The following CAPRIN1 variants were observed in gnomAD, a reference collection of about 807,000 sequenced individuals.
CAPRIN1 encodes the protein caprin-1.
Under a neutral mutation model 100.9 loss-of-function variants are expected in CAPRIN1, and 29 were observed. The ratio of observed to expected loss-of-function variants is 0.29; its 90% confidence interval spans 0.21 to 0.39. The LOEUF (loss-of-function observed/expected upper bound fraction) is 0.39. Among genes scored for constraint, CAPRIN1 ranks in the 10% least tolerant of loss-of-function variants. The pLI is 1.00. For missense variants in CAPRIN1, 795 were observed against 876.7 expected (o/e 0.91, Z 1.18); for synonymous variants, 338 against 307.5 (o/e 1.10, Z -1.04).
At chr11:34,092,358 CT>C (rs1216471251) in intron 15 of CAPRIN1, among the ~76,000 whole-genome samples, 2,462 of 139,310 alleles carry the variant, frequency 0.018, 51 homozygotes, top group African/African-American at 0.055. Context: ...ATAAAGTGTA[CT>C]TTTTTTTTTT....
chr11:34,088,807 A>AC lies in CAPRIN1; in HGVS notation c.1232-587dup, dbSNP rs1232366903. Among the ~76,000 whole-genome samples the AC allele has an allele frequency of 3.9e-5, 6 of 152,300 alleles. No individual in the cohort carries two copies. The East Asian group carries it at 1.2e-3, about 29-fold the overall frequency. On this transcript the variant is annotated intron_variant, in intron 11 of 18. Coordinates refer to ENST00000341394, the MANE Select transcript of CAPRIN1 (RefSeq NM_005898.5). The stretch of plus-strand genomic sequence containing the variant: ...TGTTAGTGCATTCTATTAACATTTT[A>AC]CTTTACTTTTGGAAAAAACAAGATG...
At chr11:34,060,282 G>C (rs1404085036) in intron 2 of CAPRIN1, among the ~76,000 whole-genome samples, 1 of 148,920 alleles carries the variant, frequency 6.7e-6, no homozygotes, top group South Asian at 2.1e-4. Flanking sequence ...CTTATTATTA[G>C]AACCATTGTA....
chr11:34,053,285 A>T, intron 2 of CAPRIN1: 1 of 352,770 alleles, frequency 2.8e-6, no homozygotes, highest in Non-Finnish European at 4.0e-6. Context: ...CTTTGTTTCA[A>T]TTGTTTAGGT....
rs1222279903 is a variant in CAPRIN1, at chr11:34,099,552, CTA to C, written c.*187_*188del. ...TCTATTACCTGGATATGGAAGGAAA[CTA>C]TTTTTACTCTGCATGTTCTGTCCTA... On this transcript the variant is annotated 3_prime_UTR_variant, in exon 19 of 19. Coordinates refer to ENST00000341394, the MANE Select transcript of CAPRIN1 (RefSeq NM_005898.5). 4.9e-6 allele frequency: 3 copies of C among 608,782 alleles called. No homozygotes were observed. In the African/African-American group the frequency reaches 5.5e-5, roughly 11 times the overall value. The allele number at this position is 608,782 out of a possible 1,614,324, so 37.7% of individuals were successfully genotyped here.
chr11:34,091,332 G>A (rs561521536), intron 14 of CAPRIN1, among the ~76,000 whole-genome samples: 1 of 152,202 alleles, frequency 6.6e-6, no homozygotes, highest in Admixed American at 6.5e-5. Context: ...CGTCGCCCAG[G>A]CTGGAGTGTA....
At chr11:34,076,701 C>A in intron 6 of CAPRIN1, 59 bp downstream of exon 6, 2 of 1,124,510 alleles carry the variant, frequency 1.8e-6, no homozygotes, top group Non-Finnish European at 2.6e-6. Flanking sequence ...AACTAATTTT[C>A]TTATGTTTAT....
chr11:34,088,008 GTTTA>G (rs1309251269), intron 11 of CAPRIN1, among the ~76,000 whole-genome samples: 2 of 152,048 alleles, frequency 1.3e-5, no homozygotes, highest in Admixed American at 6.5e-5. Flanking sequence ...TTATTTATTT[GTTTA>G]TTTAGAGACG....
intron 18 of CAPRIN1, chr11:34,098,701 A>AT: frequency 1.0e-6 from 1 of 985,352 alleles, no homozygotes; most frequent in Non-Finnish European, 1.2e-6. Flanking sequence ...AATGTGGGTT[A>AT]TGTTCTTTCC....
rs1455393932 is a variant in CAPRIN1, at chr11:34,100,564, A to G, written c.*1197A>G. The stretch of plus-strand genomic sequence containing the variant: ...CAGCTTATGTGATTCACCCCATGCC[A>G]CGTTAGTGTCACAAATTTTATGGTT... On this transcript the variant is annotated 3_prime_UTR_variant, in exon 19 of 19. Coordinates refer to ENST00000341394, the MANE Select transcript of CAPRIN1 (RefSeq NM_005898.5). 6.6e-6 allele frequency: 1 copy of G among 152,206 alleles called. No homozygotes were observed. The highest frequency in any genetic ancestry group is 1.5e-5 in the Non-Finnish European group (1 of 68,020). The allele number at this position is 152,206 out of a possible 1,614,324, so 9.4% of individuals were successfully genotyped here.
Position 34,084,955 on chromosome 11 carries a change from G to C in CAPRIN1, c.967-1109G>C, listed in dbSNP as rs1025514977. Among the ~76,000 whole-genome samples the C allele has an allele frequency of 5.5e-4, 83 of 151,738 alleles. 1 individual carries two copies. The highest frequency in any genetic ancestry group is 1.8e-3 in the African/African-American group (75 of 41,286). On this transcript the variant is annotated intron_variant, in intron 9 of 18. Transcript: ENST00000341394. ...TGTGGTTTGTTCTTTGTATCTAGTA[G>C]GTGGGCCTTTCTAAAGGCTATCCAC... is the stretch of plus-strand genomic sequence containing the variant.
At chr11:34,071,207 G>A (rs1447137654) in intron 2 of CAPRIN1, among the ~76,000 whole-genome samples, 4 of 152,190 alleles carry the variant, frequency 2.6e-5, no homozygotes, top group Non-Finnish European at 5.9e-5. Context: ...ATAATGTTGT[G>A]CCATTGGTTT....
chr11:34,085,776 C>G (rs1046349559), intron 9 of CAPRIN1, among the ~76,000 whole-genome samples: 14 of 151,964 alleles, frequency 9.2e-5, no homozygotes, highest in Admixed American at 3.9e-4. Flanking sequence ...TGCTGTCCAG[C>G]CTGGGTTACA....
chr11:34,087,784 A>C (rs556542480), intron 11 of CAPRIN1, among the ~76,000 whole-genome samples: 2 of 152,244 alleles, frequency 1.3e-5, no homozygotes, highest in Non-Finnish European at 2.9e-5. Flanking sequence ...GTCAGTATAC[A>C]TAGCACTGAT....
chr11:34,091,819 T>C (rs1464528169), intron 14 of CAPRIN1, 87 bp from the exon 15 acceptor site: 1 of 1,202,336 alleles, frequency 8.3e-7, no homozygotes, highest in Non-Finnish European at 1.2e-6. Context: ...TTTATTTATG[T>C]CTGAGGTAAA....
In CAPRIN1 at chr11:34,052,299, C is replaced by T. The variant is rs1277455580; in HGVS notation, c.1-122C>T. On this transcript the variant is annotated intron_variant, in intron 1 of 18. Coordinates refer to ENST00000341394, the MANE Select transcript of CAPRIN1 (RefSeq NM_005898.5). ...TCGAGGCGCGCCGCGCCCCCTCCCC[C>T]ACCCGCTCGCGTAGGCTACCGCTCG... 8.3e-6 allele frequency: 7 copies of T among 838,656 alleles called. No homozygotes were observed. The Admixed American group carries it at 1.4e-4, about 17-fold the overall frequency. 52.0% of individuals were successfully genotyped at this position (838,656 alleles called of 1,614,324 possible).
chr11:34,054,256 G>A (rs1850400735), intron 2 of CAPRIN1, among the ~76,000 whole-genome samples: 1 of 151,974 alleles, frequency 6.6e-6, no homozygotes, highest in Non-Finnish European at 1.5e-5. Flanking sequence ...TTTGATAAAT[G>A]TATGTTTTAT....
chr11:34,094,876 C>CTTTCCTT (rs1554972138), intron 15 of CAPRIN1, among the ~76,000 whole-genome samples: 1 of 151,694 alleles, frequency 6.6e-6, no homozygotes, highest in Non-Finnish European at 1.5e-5. Context: ...CCTTTCTTTC[C>CTTTCCTT]TTTCCTTTTT....
intron 2 of CAPRIN1, among the ~76,000 whole-genome samples, chr11:34,070,512 A>G (rs1850787149): frequency 6.6e-6 from 1 of 152,236 alleles, no homozygotes; most frequent in South Asian, 2.1e-4. Flanking sequence ...CTCCCACCTC[A>G]ACCTCCCAAG....
intron 2 of CAPRIN1, among the ~76,000 whole-genome samples, chr11:34,063,884 T>G (rs746489489): frequency 1.3e-5 from 2 of 152,112 alleles, no homozygotes; most frequent in Non-Finnish European, 2.9e-5. Flanking sequence ...CACCGCTGCC[T>G]CACCCTCCCT....
Sources: allele counts gnomAD v4.1 joint callset (sites outside exome capture counted in the v4.1 genomes callset), GRCh38; gene constraint gnomAD v4.1.1; transcripts MANE v1.5; gene names NCBI Gene and HGNC (gene_info 2026-07-23, HGNC 2026-07-21).